SUGP1: variants seen among roughly 807,000 people sequenced by gnomAD.
SUGP1 encodes SURP and G-patch domain containing 1.
In SUGP1, 34 loss-of-function variants were observed where a neutral mutation model predicts 76.5. That is an observed-to-expected ratio of 0.44 (90% CI 0.34 to 0.59). The LOEUF (loss-of-function observed/expected upper bound fraction) is 0.59. Ranked by LOEUF, SUGP1 falls within the 20% of genes least tolerant of loss-of-function variation. The pLI, the probability that SUGP1 is intolerant of heterozygous loss-of-function variation, is 0.01. For synonymous variants in SUGP1, 326 were observed against 326.2 expected (o/e 1.00, Z 0.01); for missense variants, 752 against 851.7 (o/e 0.88, Z 1.46).
chr19:19,319,220 T>C (rs1381646580), intron 1 of SUGP1, among the ~76,000 whole-genome samples: 1 of 151,860 alleles, frequency 6.6e-6, no homozygotes, highest in African/African-American at 2.4e-5. Context: ...AAACTCCGCT[T>C]CAACAAAAAG....
At chr19:19,286,551 G>A (rs1309244188) in intron 8 of SUGP1, among the ~76,000 whole-genome samples, 2 of 152,138 alleles carry the variant, frequency 1.3e-5, no homozygotes, top group Non-Finnish European at 2.9e-5. Flanking sequence ...AACGGGTAGA[G>A]GGTAAGGGAT....
intron 2 of SUGP1, among the ~76,000 whole-genome samples, chr19:19,314,670 C>T (rs1490806255): frequency 1.3e-5 from 2 of 152,202 alleles, no homozygotes; most frequent in African/African-American, 4.8e-5. Context: ...CAAGAAATCA[C>T]ATTCAGGCTG....
intron 8 of SUGP1, among the ~76,000 whole-genome samples, chr19:19,295,757 C>A (rs1364944547): frequency 6.6e-6 from 1 of 151,992 alleles, no homozygotes; most frequent in Non-Finnish European, 1.5e-5. Flanking sequence ...GTGGTCTCAG[C>A]TACTCAGGAG....
intron 13 of SUGP1, 130 bp from the exon 14 acceptor site, chr19:19,276,804 TG>T: frequency 6.5e-7 from 1 of 1,538,740 alleles, no homozygotes; most frequent in Non-Finnish European, 8.8e-7. Flanking sequence ...GGGGGACGGG[TG>T]GGGGCTTGAA....
chr19:19,319,706 C>CAAAAAAAAAAAAAAAAAAA (rs570232030), intron 1 of SUGP1, among the ~76,000 whole-genome samples: 25 of 69,232 alleles, frequency 3.6e-4, no homozygotes, highest in Non-Finnish European at 5.1e-4. Flanking sequence ...GACCCTGTCT[C>CAAAAAAAAAAAAAAAAAAA]AAAAAAAAAA....
At chr19:19,315,143 A>C (rs1034164034) in intron 2 of SUGP1, among the ~76,000 whole-genome samples, 1 of 152,126 alleles carries the variant, frequency 6.6e-6, no homozygotes, top group East Asian at 1.9e-4. Flanking sequence ...CCTGGGCAAC[A>C]TAACAAGACC....
intron 8 of SUGP1, among the ~76,000 whole-genome samples, chr19:19,286,891 A>C (rs2061144431): frequency 6.6e-6 from 1 of 152,148 alleles, no homozygotes; most frequent in Non-Finnish European, 1.5e-5. Context: ...TAAAAATACA[A>C]AACTAGCTGG....
chr19:19,318,432 T>C (rs2061411379), intron 1 of SUGP1, among the ~76,000 whole-genome samples: 1 of 151,816 alleles, frequency 6.6e-6, no homozygotes, highest in Admixed American at 6.6e-5. Context: ...TTTTTTTGTT[T>C]TGTTTTGTTT....
intron 7 of SUGP1, among the ~76,000 whole-genome samples, chr19:19,300,757 A>G (rs956973355): frequency 1.3e-5 from 2 of 152,070 alleles, no homozygotes; most frequent in African/African-American, 4.8e-5. Flanking sequence ...AGGCGACCTC[A>G]ACCAGCCTGG....
At chr19:19,314,194 C>T (rs2061374916) in intron 2 of SUGP1, among the ~76,000 whole-genome samples, 1 of 151,204 alleles carries the variant, frequency 6.6e-6, no homozygotes. Flanking sequence ...CATCGTGGCG[C>T]ACACTGGTAA....
At chr19:19,286,959 A>AAACAAC (rs371554669) in intron 8 of SUGP1, among the ~76,000 whole-genome samples, 5 of 151,468 alleles carry the variant, frequency 3.3e-5, no homozygotes, top group Admixed American at 2.6e-4. Context: ...AAAAAAAGCA[A>AAACAAC]AACAACAACA....
intron 10 of SUGP1, 33 bp downstream of exon 10, chr19:19,279,180 G>GGCCCCCC: frequency 4.6e-6 from 7 of 1,518,030 alleles, no homozygotes; most frequent in Non-Finnish European, 6.2e-6. Context: ...GCCATGCCCA[G>GGCCCCCC]CCCAGCCCGG....
intron 8 of SUGP1, among the ~76,000 whole-genome samples, chr19:19,289,950 A>G (rs1334997131): frequency 6.6e-6 from 1 of 151,948 alleles, no homozygotes; most frequent in Non-Finnish European, 1.5e-5. Flanking sequence ...ACAAGGAACT[A>G]AGAGGGAGTT....
At chr19:19,288,190 T>C (rs1161870389) in intron 8 of SUGP1, among the ~76,000 whole-genome samples, 1 of 151,966 alleles carries the variant, frequency 6.6e-6, no homozygotes, top group Non-Finnish European at 1.5e-5. Context: ...GGTTGCTCTG[T>C]TTGGACCCTC....
At chr19:19,298,373 C>G (rs1276534143) in intron 7 of SUGP1, among the ~76,000 whole-genome samples, 2 of 152,172 alleles carry the variant, frequency 1.3e-5, no homozygotes, top group Non-Finnish European at 2.9e-5. Context: ...TGGTACACGC[C>G]TGTAGTCCCA....
chr19:19,304,746 A>G (rs1289513653), intron 4 of SUGP1, among the ~76,000 whole-genome samples: 1 of 152,180 alleles, frequency 6.6e-6, no homozygotes, highest in Non-Finnish European at 1.5e-5. Flanking sequence ...GCAACTGGGC[A>G]ACATGCCAGA....
At chr19:19,292,366 T>A (rs1398740440) in intron 8 of SUGP1, among the ~76,000 whole-genome samples, 1 of 151,554 alleles carries the variant, frequency 6.6e-6, no homozygotes, top group Non-Finnish European at 1.5e-5. Flanking sequence ...TCTATGGGGC[T>A]AGGATTAGCC....
intron 8 of SUGP1, 69 bp from the exon 9 acceptor site, chr19:19,280,360 T>C: frequency 7.1e-7 from 1 of 1,412,726 alleles, no homozygotes; most frequent in Non-Finnish European, 9.9e-7. Flanking sequence ...TGCGCTGGGG[T>C]GTGCTGTGAG....
chr19:19,315,956 T>C lies in SUGP1; in HGVS notation c.206+466A>G, dbSNP rs1270421657. Among the ~76,000 whole-genome samples, 10 of 152,100 alleles carry C rather than the reference T, an allele frequency of 6.6e-5. No individual in the cohort carries two copies. In the East Asian group the frequency reaches 1.9e-3, roughly 29 times the overall value. The stretch of plus-strand genomic sequence containing the variant: ...CAGAGATTCTCGTGCCTCAGCCTCC[T>C]GAGCAGCTGGGACTACAGGCACGTG... On this transcript the variant is annotated intron_variant, in intron 2 of 13. Coordinates refer to ENST00000247001, the MANE Select transcript of SUGP1 (RefSeq NM_172231.4).
Sources: gnomAD v4.1 joint callset for allele counts (sites outside exome capture counted in the v4.1 genomes callset) on GRCh38, gnomAD v4.1.1 for gene constraint, MANE v1.5 for transcripts, NCBI Gene and HGNC (gene_info 2026-07-23, HGNC 2026-07-21) for gene names.